The following PHKA2 variants were observed in gnomAD, a reference collection of about 807,000 sequenced individuals.
The protein encoded by PHKA2 is phosphorylase b kinase regulatory subunit alpha, liver isoform.
A neutral mutation model predicts 102.0 loss-of-function variants in PHKA2; 31 were observed. The observed-to-expected ratio is 0.30, with a 90% CI of 0.23 to 0.41. The LOEUF is 0.41. PHKA2 is among the 10% of genes least tolerant of loss of function. The pLI is 1.00. For synonymous variants in PHKA2, 455 were observed against 416.2 expected, an observed-to-expected ratio of 1.09 and a Z score of -1.13; for missense variants, 858 against 1,023.1, an observed-to-expected ratio of 0.84 and a Z score of 2.20.
intron 32 of PHKA2, 181 bp downstream of exon 32, chrX:18,894,023 C>T: frequency 2.0e-6 from 1 of 499,239 alleles, no homozygotes; most frequent in Non-Finnish European, 3.5e-6. Context: ...TATCCATCCC[C>T]AAAGGTCTTG....
At chrX:18,934,824 C>T (rs1466728255) in intron 11 of PHKA2, among the ~76,000 whole-genome samples, 1 of 111,927 alleles carries the variant, frequency 8.9e-6, no homozygotes, top group Admixed American at 9.4e-5. Context: ...CAGAAATGTA[C>T]CACCCATTAG....
At chrX:18,931,598 C>T in intron 12 of PHKA2, 43 bp downstream of exon 12, 1 of 953,178 alleles carries the variant, frequency 1.0e-6, no homozygotes, top group Non-Finnish European at 1.5e-6. Context: ...CCCTGAACCT[C>T]CAATCACATG....
chrX:18,894,311 T>C lies in PHKA2; in HGVS notation c.3430A>G (p.Ile1144Val), dbSNP rs775576313. The change falls in exon 32 of 33, where the codon ATC (isoleucine) becomes GTC (valine). Residue 1144 changes from isoleucine to valine, a missense_variant. Coordinates refer to ENST00000379942, the MANE Select transcript of PHKA2 (RefSeq NM_000292.3). ...PEYRQLLVEA[I>V]MVLTLLSDTE... ...TCCGAGAGCAGCGTCAGCACCATGA[T>C]GGCTTCCACCAGCAGCTGCCGGTAC... 20 of 1,209,818 alleles carry C rather than the reference T, an allele frequency of 1.7e-5. No individual in the cohort carries two copies. Among genetic ancestry groups the C allele is most frequent in the Non-Finnish European group, 2.1e-5 (19 of 894,925 alleles).
intron 18 of PHKA2, 69 bp from the exon 19 acceptor site, chrX:18,918,923 A>T: frequency 1.0e-6 from 1 of 969,039 alleles, no homozygotes; most frequent in Non-Finnish European, 1.5e-6. Flanking sequence ...CACAATAGTG[A>T]CCATGGGTAG....
chrX:18,938,708 G>A lies in PHKA2; in HGVS notation c.960C>T (p.Leu320=), dbSNP rs1335324015. The stretch of plus-strand genomic sequence containing the variant: ...GCCACTCACATTCAATGTTTTCGAA[G>A]AGCTTGAGTTCAGCAGGGTCATAAT... ...RLHYDPAELK[L]FENIECEWPV... is the part of the protein sequence containing the mutation. The change falls in exon 10 of 33, where the codon CTC becomes CTT. Residue 320 remains leucine, a synonymous_variant. Transcript: ENST00000379942. The A allele has an allele frequency of 7.5e-6, 9 of 1,204,967 alleles. No individual in the cohort carries two copies. The highest frequency in any genetic ancestry group is 1.0e-5 in the Non-Finnish European group (9 of 889,137).
chrX:18,938,003 G>A (rs1329639611), intron 10 of PHKA2, among the ~76,000 whole-genome samples: 2 of 112,233 alleles, frequency 1.8e-5, no homozygotes, highest in Non-Finnish European at 3.8e-5. Flanking sequence ...ACCTGTCTGT[G>A]ATGGAATGTT....
intron 10 of PHKA2, among the ~76,000 whole-genome samples, chrX:18,936,925 TCCC>T (rs1409011170): frequency 8.9e-6 from 1 of 112,161 alleles, no homozygotes; most frequent in South Asian, 3.7e-4. Context: ...TGAGTTTTCT[TCCC>T]CCCATCATTG....
At chrX:18,972,458 G>A (rs772366423) in intron 1 of PHKA2, among the ~76,000 whole-genome samples, 1 of 111,916 alleles carries the variant, frequency 8.9e-6, no homozygotes, top group Non-Finnish European at 1.9e-5. Flanking sequence ...GCAGTCTACC[G>A]AATTTATACA....
intron 3 of PHKA2, among the ~76,000 whole-genome samples, 166 bp downstream of exon 3, chrX:18,952,328 T>G (rs1601778154): frequency 1.9e-5 from 1 of 51,558 alleles, no homozygotes; most frequent in Non-Finnish European, 3.0e-5. Context: ...AGACCCTGTC[T>G]CAAAAAAAAA....
intron 17 of PHKA2, among the ~76,000 whole-genome samples, chrX:18,920,946 A>G (rs916543198): frequency 2.7e-5 from 3 of 112,337 alleles, no homozygotes; most frequent in African/African-American, 9.7e-5. Context: ...TTTAGTTGAA[A>G]AGGCTGAGAA....
intron 1 of PHKA2, among the ~76,000 whole-genome samples, chrX:18,962,163 C>A (rs1251094459): frequency 8.9e-6 from 1 of 111,798 alleles, no homozygotes; most frequent in Non-Finnish European, 1.9e-5. Context: ...GGTGGCAATA[C>A]AAAGATGATG....
rs144589698 is a variant in PHKA2, at chrX:18,901,317, G to T, written c.3027+168C>A. Among the ~76,000 whole-genome samples the T allele has an allele frequency of 9.6e-3, 1,062 of 110,898 alleles. 14 individuals are homozygous for T. Among genetic ancestry groups the T allele is most frequent in the African/African-American group, 0.033 (1,005 of 30,438 alleles). ...GGTAAGGGTGCGCATGACCGGCTCT[G>T]GAATATCTATCTGGGGACAGGGGTG... On this transcript the variant is annotated intron_variant, in intron 27 of 32. Coordinates refer to ENST00000379942, the MANE Select transcript of PHKA2 (RefSeq NM_000292.3).
rs1455846890 is a variant in PHKA2 at position 18,894,319 on chromosome X, A to G, written c.3422T>C (p.Val1141Ala). The change falls in exon 32 of 33, where the codon GTG becomes GCG. Residue 1141 changes from valine to alanine, a missense_variant. Val to Ala is a moderately conservative substitution (Grantham distance 64). Transcript: ENST00000379942. ...CAGCGTCAGCACCATGATGGCTTCC[A>G]CCAGCAGCTGCCGGTACTCGGGCTG... is the stretch of plus-strand genomic sequence containing the variant. ...VPQPEYRQLL[V>A]EAIMVLTLLS... 8.3e-7 allele frequency: 1 copy of G among 1,211,026 alleles called. No individual in the cohort carries two copies. Among genetic ancestry groups the G allele is most frequent in the African/African-American group, 1.7e-5 (1 of 57,753 alleles).
At chrX:18,981,076 T>A (rs544682014) in intron 1 of PHKA2, among the ~76,000 whole-genome samples, 12 of 111,554 alleles carry the variant, frequency 1.1e-4, no homozygotes, top group Non-Finnish European at 1.3e-4. Context: ...CTTTTTTTTT[T>A]AATTGTGGTA....
chrX:18,920,248 C>T (rs1244058193), intron 17 of PHKA2, 47 bp from the exon 18 acceptor site: 1 of 626,943 alleles, frequency 1.6e-6, no homozygotes, highest in Non-Finnish European at 2.8e-6. Context: ...GTGTGGATAA[C>T]CTTCCACTAT....
At position 18,983,593 on chromosome X, in the gene PHKA2, C is replaced by T. The variant is rs746814771; in HGVS notation, c.78+262G>A. 4.5e-5 allele frequency among the ~76,000 whole-genome samples: 5 copies of T among 112,117 alleles called. No individual in the cohort carries two copies. The South Asian group carries it at 1.9e-3, about 42-fold the overall frequency. ...AATGCAAAAAGAGGCAGTTTGGACCCGGGCACGGAGGCGGCTCATTCTCAT... is the reference window on the plus strand; with the variant it reads ...AATGCAAAAAGAGGCAGTTTGGACCTGGGCACGGAGGCGGCTCATTCTCAT... On this transcript the variant is annotated intron_variant, in intron 1 of 32. Coordinates refer to ENST00000379942, the MANE Select transcript of PHKA2 (RefSeq NM_000292.3).
At chrX:18,971,308 A>G (rs949815179) in intron 1 of PHKA2, among the ~76,000 whole-genome samples, 3 of 112,198 alleles carry the variant, frequency 2.7e-5, no homozygotes, top group African/African-American at 9.7e-5. Flanking sequence ...TTACTTTCTC[A>G]GATTGCTAGT....
At chrX:18,901,415 G>A (rs1328624904) in intron 27 of PHKA2, 70 bp downstream of exon 27, 1 of 685,814 alleles carries the variant, frequency 1.5e-6, no homozygotes, top group African/African-American at 2.1e-5. Context: ...CTAGGTTTCT[G>A]TCGCTTTCTG....
rs778113808 is a variant in PHKA2 at position 18,922,749 on chromosome X, T to C, written c.1793+1307A>G. Among the ~76,000 whole-genome samples the C allele has an allele frequency of 1.2e-4, 13 of 111,713 alleles. No homozygotes were observed. The South Asian group carries it at 4.2e-3, about 36-fold the overall frequency. On this transcript the variant is annotated intron_variant, in intron 17 of 32. Coordinates refer to ENST00000379942, the MANE Select transcript of PHKA2 (RefSeq NM_000292.3). ...ATTAATGGGTGTACAGTTTTACTTGTTGCAAAATGAAAAGAGTTCTGGAGA... is the reference window on the plus strand; with the variant it reads ...ATTAATGGGTGTACAGTTTTACTTGCTGCAAAATGAAAAGAGTTCTGGAGA...
Sources: gnomAD v4.1 joint callset for allele counts (sites outside exome capture counted in the v4.1 genomes callset) on GRCh38, gnomAD v4.1.1 for gene constraint, MANE v1.5 for transcripts, NCBI Gene and HGNC (gene_info 2026-07-23, HGNC 2026-07-21) for gene names.